The following RAB38 variants were observed in gnomAD, a reference collection of about 807,000 sequenced individuals.
RAB38 encodes the protein ras-related protein Rab-38.
Under a neutral mutation model 18.4 loss-of-function variants are expected in RAB38, and 15 were observed. The observed-to-expected ratio is 0.82, with a 90% CI of 0.55 to 1.26. The LOEUF (loss-of-function observed/expected upper bound fraction) is 1.26. Among genes scored for constraint, RAB38 ranks in the 50% most tolerant of loss-of-function variants. The pLI is 0.00. For missense variants in RAB38, 294 were observed against 267.4 expected (o/e 1.10, Z -0.69); for synonymous variants, 101 against 104.4 (o/e 0.97, Z 0.20).
chr11:87,808,305 C>G, the RAB38 span, among the ~76,000 whole-genome samples: 1 of 152,100 alleles, frequency 6.6e-6, no homozygotes, highest in Admixed American at 6.6e-5. Context: ...TGAAATCAAC[C>G]TAAGTGTCCA....
the RAB38 span, among the ~76,000 whole-genome samples, chr11:87,844,008 C>G: frequency 2.0e-5 from 3 of 152,164 alleles, no homozygotes; most frequent in African/African-American, 7.2e-5. Context: ...TTCCTCATCT[C>G]TTAGTTTTAA....
At chr11:88,075,754 G>A in the RAB38 span, among the ~76,000 whole-genome samples, 1 of 152,012 alleles carries the variant, frequency 6.6e-6, no homozygotes, top group Non-Finnish European at 1.5e-5. Flanking sequence ...GGTGGTGCAT[G>A]CCTGTAATAC....
the RAB38 span, among the ~76,000 whole-genome samples, chr11:87,963,181 C>T: frequency 6.6e-6 from 1 of 152,104 alleles, no homozygotes; most frequent in Non-Finnish European, 1.5e-5. Context: ...TCTACCAACT[C>T]ACACATATAA....
the RAB38 span, among the ~76,000 whole-genome samples, chr11:87,807,162 AG>A: frequency 3.3e-5 from 5 of 152,226 alleles, no homozygotes; most frequent in Non-Finnish European, 7.3e-5. Flanking sequence ...TTTCATCCCA[AG>A]ACCATCCCCC....
At chr11:87,848,078 T>G in the RAB38 span, among the ~76,000 whole-genome samples, 1 of 152,166 alleles carries the variant, frequency 6.6e-6, no homozygotes, top group African/African-American at 2.4e-5. Flanking sequence ...GGTAGCCAAT[T>G]AATTCTCATT....
the RAB38 span, among the ~76,000 whole-genome samples, chr11:87,953,668 G>C: frequency 3.2e-3 from 480 of 152,168 alleles, 2 homozygotes; most frequent in African/African-American, 0.011. Context: ...TACTATCATG[G>C]TCTACATAGG....
chr11:88,033,840 G>A, the RAB38 span, among the ~76,000 whole-genome samples: 4 of 143,860 alleles, frequency 2.8e-5, no homozygotes, highest in Admixed American at 2.3e-4. Context: ...CCATTCTCTT[G>A]CCTCAGCCTC....
intron 1 of RAB38, among the ~76,000 whole-genome samples, chr11:88,153,722 T>C (rs1418839230): frequency 6.6e-6 from 1 of 152,254 alleles, no homozygotes; most frequent in Admixed American, 6.5e-5. Context: ...AGAGATTCTT[T>C]ATTGTGTTGT....
the RAB38 span, among the ~76,000 whole-genome samples, chr11:87,976,739 T>C: frequency 2.6e-5 from 3 of 116,738 alleles, no homozygotes; most frequent in Non-Finnish European, 4.8e-5. Flanking sequence ...ATATAATATA[T>C]ATTTATATAT....
At chr11:88,094,274 AT>A in the RAB38 span, among the ~76,000 whole-genome samples, 1 of 151,900 alleles carries the variant, frequency 6.6e-6, no homozygotes, top group African/African-American at 2.4e-5. Context: ...TTATTCAAAA[AT>A]TCCATTACAT....
At chr11:87,923,961 GAAA>G in the RAB38 span, among the ~76,000 whole-genome samples, 1 of 134,980 alleles carries the variant, frequency 7.4e-6, no homozygotes, top group South Asian at 2.3e-4. Flanking sequence ...AGAGAAAATT[GAAA>G]AAAAAAAAAA....
chr11:87,880,004 A>G, the RAB38 span: 1 of 151,850 alleles, frequency 6.6e-6, no homozygotes, highest in Admixed American at 6.6e-5. Flanking sequence ...GCTCTAAGAG[A>G]CTGAGAATAG....
At chr11:87,912,762 C>CTTTTTTTTTTTTTTTTTTTTTTTTTTT in the RAB38 span, among the ~76,000 whole-genome samples, 8 of 86,550 alleles carry the variant, frequency 9.2e-5, 1 homozygote, top group Non-Finnish European at 1.4e-4. Context: ...AATTTTCTTT[C>CTTTTTTTTTTTTTTTTTTTTTTTTTTT]TTTCTTTTTT....
the RAB38 span, among the ~76,000 whole-genome samples, chr11:88,026,828 G>A: frequency 6.6e-6 from 1 of 152,104 alleles, no homozygotes; most frequent in African/African-American, 2.4e-5. Flanking sequence ...ACAGGTGAAA[G>A]TTAATTGGAG....
chr11:87,933,790 A>G, the RAB38 span, among the ~76,000 whole-genome samples: 1 of 152,030 alleles, frequency 6.6e-6, no homozygotes, highest in Non-Finnish European at 1.5e-5. Context: ...GCATTTTCCA[A>G]TTTAGGAAAT....
chr11:88,039,687 C>G, the RAB38 span, among the ~76,000 whole-genome samples: 3 of 152,134 alleles, frequency 2.0e-5, no homozygotes, highest in African/African-American at 7.2e-5. Flanking sequence ...GAGGTAGGCT[C>G]AACAATAGGA....
At chr11:87,909,812 T>C in the RAB38 span, among the ~76,000 whole-genome samples, 2 of 152,112 alleles carry the variant, frequency 1.3e-5, no homozygotes, top group Non-Finnish European at 2.9e-5. Context: ...CATTACACTG[T>C]TGATAGACAT....
the RAB38 span, among the ~76,000 whole-genome samples, chr11:88,093,740 T>C: frequency 6.6e-6 from 1 of 151,922 alleles, no homozygotes; most frequent in African/African-American, 2.4e-5. Context: ...CACACCCTTA[T>C]GATGGCTTCA....
chr11:87,817,965 T>C, the RAB38 span, among the ~76,000 whole-genome samples: 16 of 152,184 alleles, frequency 1.1e-4, no homozygotes, highest in Non-Finnish European at 1.8e-4. Flanking sequence ...AGAAAAATCA[T>C]AGCACCCCAG....
Sources: allele counts gnomAD v4.1 joint callset (sites outside exome capture counted in the v4.1 genomes callset), GRCh38; gene constraint gnomAD v4.1.1; transcripts MANE v1.5; gene names NCBI Gene and HGNC (gene_info 2026-07-23, HGNC 2026-07-21).